The following OSBP2 variants were observed in gnomAD, a reference collection of about 807,000 sequenced individuals.
OSBP2 encodes oxysterol-binding protein 2.
OSBP2 carries 66 observed loss-of-function variants against 96.0 expected under a neutral mutation model. The ratio of observed to expected loss-of-function variants is 0.69; its 90% CI spans 0.56 to 0.84. OSBP2 has a LOEUF of 0.84. OSBP2 is among the 40% of genes least tolerant of loss of function. The pLI is 0.00. For synonymous variants in OSBP2, 525 were observed against 520.9 expected (o/e 1.01, Z -0.11); for missense variants, 1,038 against 1,222.7 (o/e 0.85, Z 2.25).
chr22:30,845,480 T>C (rs911234091), intron 2 of OSBP2, among the ~76,000 whole-genome samples: 6 of 151,704 alleles, frequency 4.0e-5, no homozygotes, highest in African/African-American at 1.5e-4. Context: ...ATTACCAAAA[T>C]GTGACACAGA....
intron 12 of OSBP2, among the ~76,000 whole-genome samples, chr22:30,895,053 A>T (rs2040031607): frequency 6.6e-6 from 1 of 152,150 alleles, no homozygotes; most frequent in African/African-American, 2.4e-5. Context: ...AATAAACAAG[A>T]ATAACGTGGG....
chr22:30,821,937 C>G (rs909246244), intron 2 of OSBP2, among the ~76,000 whole-genome samples: 2 of 152,236 alleles, frequency 1.3e-5, no homozygotes, highest in Non-Finnish European at 1.5e-5. Context: ...GGCAGCTGGA[C>G]AGTGGAGTTG....
At chr22:30,882,696 G>A (rs2039729247) in intron 3 of OSBP2, among the ~76,000 whole-genome samples, 1 of 152,170 alleles carries the variant, frequency 6.6e-6, no homozygotes, top group African/African-American at 2.4e-5. Flanking sequence ...AAGGAACGGA[G>A]CCCCAGGAGA....
At chr22:30,793,095 A>G (rs2090700253) in intron 2 of OSBP2, among the ~76,000 whole-genome samples, 1 of 152,246 alleles carries the variant, frequency 6.6e-6, no homozygotes, top group Non-Finnish European at 1.5e-5. Context: ...GTTGACTTGA[A>G]AAAGGATTTA....
intron 2 of OSBP2, among the ~76,000 whole-genome samples, chr22:30,840,414 G>A (rs1296579742): frequency 6.6e-6 from 1 of 152,042 alleles, no homozygotes; most frequent in African/African-American, 2.4e-5. Context: ...GAATAGAGCT[G>A]GAAGATTGGC....
At chr22:30,788,788 C>T (rs1336105612) in intron 2 of OSBP2, among the ~76,000 whole-genome samples, 1 of 152,194 alleles carries the variant, frequency 6.6e-6, no homozygotes, top group Non-Finnish European at 1.5e-5. Context: ...TCTCAGCTCA[C>T]TGCAACCTCT....
chr22:30,708,613 C>T (rs983140919), intron 1 of OSBP2, among the ~76,000 whole-genome samples: 8 of 149,460 alleles, frequency 5.4e-5, no homozygotes, highest in African/African-American at 1.7e-4. Context: ...CTCAGCCTCC[C>T]GAGTAGCTGG....
rs182525310 is a variant in OSBP2, at chr22:30,904,715, A to C, written c.2376-1122A>C. Among the ~76,000 whole-genome samples, 81 of 152,336 alleles carry C rather than the reference A, an allele frequency of 5.3e-4. 2 individuals carry two copies. The highest frequency in any genetic ancestry group is 5.0e-3 in the Admixed American group (76 of 15,304). On this transcript the variant is annotated intron_variant, in intron 12 of 13. Transcript: ENST00000332585. Reference sequence around the variant, plus strand: ...CTTGCACTCAACAACTGTTCTCTTCAATCACATGGAACGTGTGCAAAAACT... The same window carrying C: ...CTTGCACTCAACAACTGTTCTCTTCCATCACATGGAACGTGTGCAAAAACT...
chr22:30,895,519 T>C (rs1315212853), intron 12 of OSBP2, among the ~76,000 whole-genome samples: 1 of 152,206 alleles, frequency 6.6e-6, no homozygotes, highest in African/African-American at 2.4e-5. Context: ...CAACATTGGA[T>C]TAATATTTTC....
At chr22:30,756,497 A>G (rs2090142113) in intron 2 of OSBP2, among the ~76,000 whole-genome samples, 1 of 152,210 alleles carries the variant, frequency 6.6e-6, no homozygotes. Flanking sequence ...GTTCCAGACC[A>G]GCCTGACCAA....
At chr22:30,902,106 A>C in intron 12 of OSBP2, 1 of 406,564 alleles carries the variant, frequency 2.5e-6, no homozygotes, top group Non-Finnish European at 4.2e-6. Flanking sequence ...TCTTAGCAAT[A>C]TAAGAAAAAA....
chr22:30,740,057 C>G (rs1013604186), intron 1 of OSBP2, among the ~76,000 whole-genome samples: 1 of 152,140 alleles, frequency 6.6e-6, no homozygotes, highest in Middle Eastern at 3.2e-3. Context: ...TGTTGGCCAG[C>G]TGGTCTTGAA....
intron 2 of OSBP2, among the ~76,000 whole-genome samples, chr22:30,864,646 C>G (rs1029378217): frequency 1.3e-5 from 2 of 152,102 alleles, no homozygotes; most frequent in Non-Finnish European, 2.9e-5. Context: ...TCCCCCAGGC[C>G]CCTGCTCTTG....
In OSBP2 at chr22:30,882,591, T is replaced by C. The variant is rs4820031; in HGVS notation, c.1108-4835T>C. On this transcript the variant is annotated intron_variant, in intron 3 of 13. Coordinates refer to ENST00000332585, the MANE Select transcript of OSBP2 (RefSeq NM_030758.4). ...CAGTGGGCCCGCGGTGTGAGGGAGG[T>C]GGGGCTGGCATCAGAATCAGCAGGA... Among the ~76,000 whole-genome samples, 742 of 143,234 alleles carry C rather than the reference T, an allele frequency of 5.2e-3. 1 individual carries two copies. The highest frequency in any genetic ancestry group is 0.018 in the Middle Eastern group (5 of 272). 94.0% of individuals were successfully genotyped at this position (143,234 alleles called of 152,430 possible). A position where few individuals can be genotyped will look rare whatever the true frequency, so the allele number is the denominator to read the frequency against.
chr22:30,857,462 G>A (rs991251347), intron 2 of OSBP2, among the ~76,000 whole-genome samples: 1 of 152,216 alleles, frequency 6.6e-6, no homozygotes, highest in African/African-American at 2.4e-5. Flanking sequence ...AAATAGTCGC[G>A]ACCGATATGG....
intron 2 of OSBP2, among the ~76,000 whole-genome samples, chr22:30,843,999 C>G (rs775620776): frequency 6.6e-6 from 1 of 151,970 alleles, no homozygotes; most frequent in African/African-American, 2.4e-5. Context: ...CTCAACCTCC[C>G]GAGTAGCTGG....
chr22:30,695,410 G>C lies in OSBP2; in HGVS notation c.501G>C (p.Ser167=). ...QAKTPLGVPM[S]GTGTTSSAPL... is the part of the protein sequence containing the mutation. ...AGACTCCTCTTGGGGTTCCAATGTC[G>C]GGGACTGGCACGACCTCCAGTGCCC... Residue 167 remains serine, a synonymous_variant, in exon 1 of 14, where the codon TCG becomes TCC. Transcript: ENST00000332585. 6.2e-7 allele frequency: 1 copy of C among 1,613,812 alleles called. No individual in the cohort carries two copies. Among genetic ancestry groups the C allele is most frequent in the Non-Finnish European group, 8.5e-7 (1 of 1,180,038 alleles).
intron 1 of OSBP2, among the ~76,000 whole-genome samples, chr22:30,705,745 G>A (rs187151396): frequency 4.9e-4 from 75 of 152,284 alleles, no homozygotes; most frequent in Admixed American, 3.7e-3. Flanking sequence ...GCCTGCACTA[G>A]CTTTGGTCAT....
chr22:30,723,375 G>A (rs915779654), intron 1 of OSBP2, among the ~76,000 whole-genome samples: 1 of 151,872 alleles, frequency 6.6e-6, no homozygotes, highest in African/African-American at 2.4e-5. Flanking sequence ...AAATTGCTGG[G>A]ATTACAGGCG....
Sources: gnomAD v4.1 joint callset for allele counts (sites outside exome capture counted in the v4.1 genomes callset) on GRCh38, gnomAD v4.1.1 for gene constraint, MANE v1.5 for transcripts, NCBI Gene and HGNC (gene_info 2026-07-23, HGNC 2026-07-21) for gene names.